SLC39A11: variants seen among roughly 807,000 people sequenced by gnomAD.
SLC39A11 encodes the protein zinc transporter ZIP11.
A neutral mutation model predicts 36.1 loss-of-function variants in SLC39A11; 33 were observed. The observed-to-expected ratio is 0.91, with a 90% CI of 0.69 to 1.22. SLC39A11 has a LOEUF of 1.22. Ranked by LOEUF, SLC39A11 falls within the 50% of genes most tolerant of loss-of-function variation. SLC39A11 has a pLI of 0.00. For missense variants in SLC39A11, 432 were observed against 430.3 expected, an observed-to-expected ratio of 1.00 and a Z score of -0.03; for synonymous variants, 166 against 170.3, an observed-to-expected ratio of 0.97 and a Z score of 0.20.
At chr17:73,089,264 C>A (rs1020553221) in intron 1 of SLC39A11, among the ~76,000 whole-genome samples, 1 of 152,144 alleles carries the variant, frequency 6.6e-6, no homozygotes, top group East Asian at 1.9e-4. Flanking sequence ...ACCTGCCCAG[C>A]CAAAGGGTAA....
At chr17:72,991,744 G>A (rs1318519641) in intron 4 of SLC39A11, among the ~76,000 whole-genome samples, 2 of 152,194 alleles carry the variant, frequency 1.3e-5, no homozygotes, top group African/African-American at 4.8e-5. Flanking sequence ...TCTACTGACT[G>A]ATAATGTATT....
intron 5 of SLC39A11, among the ~76,000 whole-genome samples, chr17:72,854,971 G>C (rs980664989): frequency 6.6e-6 from 1 of 152,116 alleles, no homozygotes; most frequent in East Asian, 1.9e-4. Flanking sequence ...CGGGTCTTGC[G>C]GGCACAAGCC....
chr17:73,004,305 G>A (rs537150888), intron 4 of SLC39A11, among the ~76,000 whole-genome samples: 7 of 152,278 alleles, frequency 4.6e-5, no homozygotes, highest in African/African-American at 1.7e-4. Context: ...TCATAGTTCT[G>A]GAGGCTAGAA....
intron 6 of SLC39A11, among the ~76,000 whole-genome samples, chr17:72,846,018 C>CTTTTTTTTTT (rs569100122): frequency 0.019 from 1,082 of 57,956 alleles, 210 homozygotes; most frequent in Non-Finnish European, 0.025. Context: ...CTCTCTCTCT[C>CTTTTTTTTTT]TTTTTTTTTT....
intron 7 of SLC39A11, among the ~76,000 whole-genome samples, chr17:72,719,718 C>T (rs146414188): frequency 2.6e-5 from 4 of 152,218 alleles, no homozygotes; most frequent in Non-Finnish European, 5.9e-5. Context: ...CCTCCCTCCC[C>T]CAAGGTCTGC....
intron 5 of SLC39A11, among the ~76,000 whole-genome samples, chr17:72,873,287 C>A (rs565416715): frequency 6.6e-6 from 1 of 152,182 alleles, no homozygotes; most frequent in East Asian, 1.9e-4. Flanking sequence ...TGACCTCTAC[C>A]CAGAAATTGA....
intron 3 of SLC39A11, among the ~76,000 whole-genome samples, chr17:73,080,146 C>A (rs149941225): frequency 8.5e-4 from 130 of 152,200 alleles, no homozygotes; most frequent in African/African-American, 3.1e-3. Flanking sequence ...TCCTAAAATT[C>A]GTATGGAACC....
intron 5 of SLC39A11, among the ~76,000 whole-genome samples, chr17:72,919,897 C>T (rs994690119): frequency 2.0e-5 from 3 of 152,088 alleles, no homozygotes; most frequent in African/African-American, 2.4e-5. Flanking sequence ...CAAGCACAAA[C>T]GTGGTCACAA....
At chr17:72,664,719 C>T (rs2070649714) in intron 7 of SLC39A11, among the ~76,000 whole-genome samples, 1 of 152,240 alleles carries the variant, frequency 6.6e-6, no homozygotes, top group Admixed American at 6.5e-5. Flanking sequence ...CCACTCAGGG[C>T]CAGGGCCCAC....
intron 7 of SLC39A11, among the ~76,000 whole-genome samples, chr17:72,735,180 G>C (rs1469594283): frequency 6.6e-6 from 1 of 152,166 alleles, no homozygotes; most frequent in African/African-American, 2.4e-5. Flanking sequence ...TTTCGCCCTG[G>C]AACATTCCAG....
intron 4 of SLC39A11, among the ~76,000 whole-genome samples, chr17:72,952,762 C>A (rs180808408): frequency 6.6e-6 from 1 of 152,154 alleles, no homozygotes; most frequent in Non-Finnish European, 1.5e-5. Flanking sequence ...CGGCAAAGTG[C>A]GAGCGTGATC....
At chr17:72,689,001 C>A (rs894758986) in intron 7 of SLC39A11, among the ~76,000 whole-genome samples, 2 of 152,178 alleles carry the variant, frequency 1.3e-5, no homozygotes, top group South Asian at 2.1e-4. Context: ...TGTTTCCCCC[C>A]ACACTGCCCA....
At chr17:73,031,994 C>T (rs1568158195) in intron 3 of SLC39A11, among the ~76,000 whole-genome samples, 1 of 152,114 alleles carries the variant, frequency 6.6e-6, no homozygotes, top group Non-Finnish European at 1.5e-5. Context: ...GGTTCTCAAC[C>T]AGCAATGGTT....
intron 5 of SLC39A11, among the ~76,000 whole-genome samples, chr17:72,900,973 CAAACAACA>C (rs2082363588): frequency 2.0e-5 from 3 of 149,902 alleles, no homozygotes; most frequent in Admixed American, 2.0e-4. Flanking sequence ...AACAAACAAA[CAAACAACA>C]AAAAAAAAAC....
At chr17:72,764,224 A>T (rs1336319048) in intron 6 of SLC39A11, among the ~76,000 whole-genome samples, 1 of 152,040 alleles carries the variant, frequency 6.6e-6, no homozygotes. Context: ...GGGAGGAGCC[A>T]TCTTAATGGC....
intron 7 of SLC39A11, among the ~76,000 whole-genome samples, chr17:72,693,774 T>C (rs2072151236): frequency 6.6e-6 from 1 of 152,150 alleles, no homozygotes; most frequent in African/African-American, 2.4e-5. Flanking sequence ...GCGATTCTCC[T>C]GCCTCAGCCT....
intron 6 of SLC39A11, among the ~76,000 whole-genome samples, chr17:72,811,036 G>T (rs1220855229): frequency 6.7e-6 from 1 of 149,580 alleles, no homozygotes; most frequent in Non-Finnish European, 1.5e-5. Context: ...TTGTTTTACT[G>T]TATATATGTT....
chr17:72,837,443 G>A (rs764825063), intron 6 of SLC39A11, among the ~76,000 whole-genome samples: 1 of 145,006 alleles, frequency 6.9e-6, no homozygotes, highest in Non-Finnish European at 1.5e-5. Context: ...TTATCCCTTT[G>A]TGTCAAAGGA....
intron 5 of SLC39A11, among the ~76,000 whole-genome samples, chr17:72,850,877 C>G (rs2079277768): frequency 1.3e-5 from 2 of 152,142 alleles, no homozygotes; most frequent in African/African-American, 4.8e-5. Context: ...ACCCTGCTCT[C>G]CTGGTCACAC....
Sources: gnomAD v4.1 joint callset for allele counts (sites outside exome capture counted in the v4.1 genomes callset) on GRCh38, gnomAD v4.1.1 for gene constraint, MANE v1.5 for transcripts, NCBI Gene and HGNC (gene_info 2026-07-23, HGNC 2026-07-21) for gene names.